Variants in DNAH14 observed in about 807,000 individuals in gnomAD.
DNAH14 encodes the protein axonemal beta dynein heavy chain 14.
Under a neutral mutation model 520.9 loss-of-function variants are expected in DNAH14, and 478 were observed. The observed-to-expected ratio is 0.92, with a 90% CI of 0.85 to 0.99. The LOEUF is 0.99. Among genes scored for constraint, DNAH14 ranks in the 50% least tolerant of loss-of-function variants. The pLI is 0.00. For missense variants in DNAH14, 4,831 were observed against 5,234.5 expected (o/e 0.92, Z 2.38); for synonymous variants, 1,581 against 1,757.2 (o/e 0.90, Z 2.51).
chr1:225,220,727 C>A (rs2089966856), intron 41 of DNAH14, among the ~76,000 whole-genome samples: 1 of 152,022 alleles, frequency 6.6e-6, no homozygotes, highest in South Asian at 2.1e-4. Context: ...GCCATACTGC[C>A]CAAAATAATT....
chr1:225,104,543 A>T (rs2075837881), intron 23 of DNAH14, among the ~76,000 whole-genome samples: 1 of 152,144 alleles, frequency 6.6e-6, no homozygotes, highest in Non-Finnish European at 1.5e-5. Flanking sequence ...TAAGCTATTA[A>T]TTATTGCCTC....
chr1:225,008,714 C>T (rs939483837), intron 10 of DNAH14, among the ~76,000 whole-genome samples: 6 of 151,762 alleles, frequency 4.0e-5, no homozygotes, highest in African/African-American at 7.3e-5. Flanking sequence ...CATGAGCCAC[C>T]GCGCCTGGCC....
intron 1 of DNAH14, among the ~76,000 whole-genome samples, chr1:224,940,645 A>G (rs1340717687): frequency 6.6e-6 from 1 of 152,014 alleles, no homozygotes; most frequent in Non-Finnish European, 1.5e-5. Context: ...AACACTAGGT[A>G]TATCTCCTAA....
chr1:225,186,594 C>T (rs1312991678), intron 37 of DNAH14, among the ~76,000 whole-genome samples: 1 of 151,476 alleles, frequency 6.6e-6, no homozygotes, highest in African/African-American at 2.4e-5. Context: ...AATAATAATA[C>T]AGTAAAATGT....
chr1:225,205,863 T>G (rs927975561), intron 39 of DNAH14, 108 bp from the exon 40 acceptor site: 22 of 888,912 alleles, frequency 2.5e-5, no homozygotes, highest in Non-Finnish European at 1.2e-5. Context: ...TTCTAGGATA[T>G]CTTTCCTCTT....
rs115523449 is a variant in DNAH14, at chr1:225,320,306, G to A, written c.9335+1629G>A. 3.9e-3 allele frequency among the ~76,000 whole-genome samples: 601 copies of A among 152,232 alleles called. 4 individuals are homozygous for A. The highest frequency in any genetic ancestry group is 0.014 in the African/African-American group (577 of 41,556). On this transcript the variant is annotated intron_variant, in intron 61 of 85. Coordinates refer to ENST00000682510, the MANE Select transcript of DNAH14 (RefSeq NM_001367479.1). ...ATACAGGTAAAATGCTTGTAACAGA[G>A]GCTGGCATAAGGCAAATGCTCAATA...
intron 15 of DNAH14, among the ~76,000 whole-genome samples, chr1:225,049,867 A>C (rs572170220): frequency 1.3e-5 from 2 of 152,154 alleles, no homozygotes; most frequent in African/African-American, 4.8e-5. Context: ...TGAACTCTTG[A>C]GGCTGTGTCT....
intron 8 of DNAH14, among the ~76,000 whole-genome samples, chr1:224,979,845 C>A (rs1035641458): frequency 2.0e-5 from 3 of 152,138 alleles, no homozygotes; most frequent in African/African-American, 7.2e-5. Flanking sequence ...CATGAGGTCT[C>A]CATTCCAGGT....
intron 8 of DNAH14, among the ~76,000 whole-genome samples, chr1:224,985,967 A>G (rs2062607843): frequency 6.6e-6 from 1 of 152,138 alleles, no homozygotes; most frequent in Non-Finnish European, 1.5e-5. Context: ...GTTAAAAAAG[A>G]GCTGGGGTAG....
At chr1:225,009,520 G>C (rs1250653739) in intron 10 of DNAH14, among the ~76,000 whole-genome samples, 5 of 152,162 alleles carry the variant, frequency 3.3e-5, no homozygotes, top group Non-Finnish European at 7.3e-5. Context: ...TTGTAATATA[G>C]TTTGAAGTCA....
At chr1:225,268,144 T>C (rs1352647831) in intron 49 of DNAH14, among the ~76,000 whole-genome samples, 1 of 152,202 alleles carries the variant, frequency 6.6e-6, no homozygotes, top group African/African-American at 2.4e-5. Flanking sequence ...ATTGCTTATT[T>C]TTTAATGATT....
chr1:225,036,564 G>T lies in DNAH14; in HGVS notation c.1359-2130G>T, dbSNP rs569678066. On this transcript the variant is annotated intron_variant, in intron 11 of 85. Coordinates refer to ENST00000682510, the MANE Select transcript of DNAH14 (RefSeq NM_001367479.1). ...TGTTCCCATACATCTTTCTGCAGCT[G>T]CAGGCATACCCTCCAAGTCTGCTTT... 2.0e-5 allele frequency among the ~76,000 whole-genome samples: 3 copies of T among 152,218 alleles called. No homozygotes were observed. The South Asian group carries it at 6.2e-4, about 32-fold the overall frequency.
intron 30 of DNAH14, among the ~76,000 whole-genome samples, chr1:225,146,567 A>G (rs1156651654): frequency 6.6e-6 from 1 of 152,240 alleles, no homozygotes; most frequent in African/African-American, 2.4e-5. Flanking sequence ...CAAGTGGCAG[A>G]AGCCCAGCAG....
At chr1:225,040,231 G>C (rs999622430) in intron 12 of DNAH14, among the ~76,000 whole-genome samples, 1 of 152,014 alleles carries the variant, frequency 6.6e-6, no homozygotes, top group Non-Finnish European at 1.5e-5. Context: ...GAGCCACTGC[G>C]CCCGGCCATA....
chr1:225,361,907 C>T (rs1397499899), intron 75 of DNAH14, among the ~76,000 whole-genome samples: 2 of 152,154 alleles, frequency 1.3e-5, no homozygotes, highest in Admixed American at 1.3e-4. Context: ...CTCTTTTTCA[C>T]ATTTATTTCA....
At chr1:225,177,748 G>A (rs1371055679) in intron 36 of DNAH14, among the ~76,000 whole-genome samples, 3 of 152,180 alleles carry the variant, frequency 2.0e-5, no homozygotes, top group Non-Finnish European at 4.4e-5. Flanking sequence ...AAGATGTATG[G>A]AAATGCCTGG....
chr1:225,336,017 A>G (rs548255988), intron 66 of DNAH14, among the ~76,000 whole-genome samples: 118 of 132,896 alleles, frequency 8.9e-4, no homozygotes, highest in Admixed American at 1.8e-3. Context: ...ATACGCATAT[A>G]TGCATATATG....
At chr1:225,231,012 G>A (rs1459037298) in intron 41 of DNAH14, 61 bp from the exon 42 acceptor site, 2 of 1,210,070 alleles carry the variant, frequency 1.7e-6, no homozygotes, top group Non-Finnish European at 1.2e-6. Flanking sequence ...AACCTCATTA[G>A]TTTACCAGAT....
intron 52 of DNAH14, 121 bp downstream of exon 52, chr1:225,273,246 C>T: frequency 2.8e-6 from 3 of 1,066,104 alleles, no homozygotes; most frequent in East Asian, 3.1e-5. Flanking sequence ...TCCTGGCTAA[C>T]ACGTGAAACC....
Sources: allele counts gnomAD v4.1 joint callset (sites outside exome capture counted in the v4.1 genomes callset), GRCh38; gene constraint gnomAD v4.1.1; transcripts MANE v1.5; gene names NCBI Gene and HGNC (gene_info 2026-07-23, HGNC 2026-07-21).